Variants in SEPTIN7 observed in about 807,000 individuals in gnomAD.
The protein encoded by SEPTIN7 is septin-7.
In SEPTIN7, 10 loss-of-function variants were observed where a neutral mutation model predicts 63.3. The observed-to-expected ratio is 0.16, with a 90% confidence interval of 0.10 to 0.27. The LOEUF is 0.27. Among genes scored for constraint, SEPTIN7 ranks in the 10% least tolerant of loss-of-function variants. The pLI, the probability that SEPTIN7 is intolerant of heterozygous loss-of-function variation, is 1.00. For synonymous variants in SEPTIN7, 131 were observed against 165.3 expected, an observed-to-expected ratio of 0.79 and a Z score of 1.59; for missense variants, 310 against 521.0, an observed-to-expected ratio of 0.59 and a Z score of 3.94.
intron 1 of SEPTIN7, among the ~76,000 whole-genome samples, chr7:35,820,870 T>G (rs1789370051): frequency 6.6e-6 from 1 of 152,184 alleles, no homozygotes; most frequent in Non-Finnish European, 1.5e-5. Context: ...GGGTTTATTG[T>G]TGTTGCTTTT....
chr7:35,881,533 A>G (rs1786879828), intron 7 of SEPTIN7, among the ~76,000 whole-genome samples: 1 of 150,872 alleles, frequency 6.6e-6, no homozygotes, highest in Admixed American at 6.6e-5. Flanking sequence ...ACGTACCCTA[A>G]TTGTAAAAGA....
chr7:35,809,759 G>C (rs910820410), intron 1 of SEPTIN7, among the ~76,000 whole-genome samples: 1 of 152,192 alleles, frequency 6.6e-6, no homozygotes, highest in Admixed American at 6.5e-5. Flanking sequence ...GCTGTGCTGA[G>C]AATTTAAAAA....
chr7:35,853,486 T>TC (rs1174991269), intron 3 of SEPTIN7, among the ~76,000 whole-genome samples: 1 of 152,166 alleles, frequency 6.6e-6, no homozygotes, highest in Non-Finnish European at 1.5e-5. Flanking sequence ...TTTCGCCTGC[T>TC]CAGAGTCTGG....
Position 35,898,326 on chromosome 7 carries a change from G to C in SEPTIN7, c.1077G>C (p.Gln359His). ...KMKKMEMEMEQVFEMKVKEKV... is the reference protein window; with the variant it reads ...KMKKMEMEMEHVFEMKVKEKV... ...AGAAGATGGAGATGGAGATGGAGCA[G>C]GTGTTTGAGATGAAGGTCAAAGAAA... is the stretch of plus-strand genomic sequence containing the variant. The change falls in exon 12 of 14, where the codon CAG (glutamine) becomes CAC (histidine). Residue 359 changes from glutamine (Q) to histidine (H), a missense_variant. Physicochemically the swap from Gln to His is conservative, Grantham distance 24. Transcript: ENST00000350320. The C allele has an allele frequency of 6.5e-7, 1 of 1,550,236 alleles. No individual in the cohort carries two copies. Among genetic ancestry groups the C allele is most frequent in the East Asian group, 2.4e-5 (1 of 40,878 alleles).
chr7:35,897,399 T>TG (rs1788017853), intron 11 of SEPTIN7, among the ~76,000 whole-genome samples: 1 of 152,192 alleles, frequency 6.6e-6, no homozygotes, highest in Non-Finnish European at 1.5e-5. Flanking sequence ...TGTGTAAGTA[T>TG]ATTAGCCTTA....
downstream of SEPTIN7, among the ~76,000 whole-genome samples, chr7:35,908,665 A>G (rs1291980827): frequency 1.3e-5 from 2 of 152,298 alleles, no homozygotes; most frequent in African/African-American, 4.8e-5. Context: ...GTCAGACACT[A>G]CCAACAAACT....
intron 3 of SEPTIN7, among the ~76,000 whole-genome samples, chr7:35,851,549 A>G (rs1301264795): frequency 1.3e-5 from 2 of 152,146 alleles, no homozygotes; most frequent in East Asian, 3.8e-4. Context: ...GCCAGTATAT[A>G]TATTATTCTG....
intron 6 of SEPTIN7, among the ~76,000 whole-genome samples, chr7:35,878,765 G>C (rs1429867568): frequency 6.6e-6 from 1 of 152,146 alleles, no homozygotes; most frequent in African/African-American, 2.4e-5. Context: ...CACTGAGATA[G>C]GAAGCGTAGA....
At chr7:35,837,377 A>G (rs920295777) in intron 3 of SEPTIN7, among the ~76,000 whole-genome samples, 1 of 152,190 alleles carries the variant, frequency 6.6e-6, no homozygotes, top group African/African-American at 2.4e-5. Context: ...GTAGACTTTA[A>G]TGGCCTGTAT....
chr7:35,879,427 T>G (rs1308684250), intron 6 of SEPTIN7, among the ~76,000 whole-genome samples: 1 of 151,746 alleles, frequency 6.6e-6, no homozygotes, highest in Non-Finnish European at 1.5e-5. Flanking sequence ...TGCAGTGAGC[T>G]GAGATTACAC....
chr7:35,912,319 A>G, the SEPTIN7 span, among the ~76,000 whole-genome samples: 4 of 152,256 alleles, frequency 2.6e-5, no homozygotes, highest in Non-Finnish European at 5.9e-5. Flanking sequence ...CACAAACAAT[A>G]GCATGAGCGA....
downstream of SEPTIN7, among the ~76,000 whole-genome samples, chr7:35,909,218 A>G (rs541414243): frequency 2.0e-5 from 3 of 152,372 alleles, no homozygotes; most frequent in South Asian, 6.2e-4. Flanking sequence ...GTTGTATTCA[A>G]TATTTTGGGA....
intron 1 of SEPTIN7, among the ~76,000 whole-genome samples, chr7:35,810,842 C>T (rs1788658255): frequency 6.6e-6 from 1 of 151,510 alleles, no homozygotes; most frequent in Non-Finnish European, 1.5e-5. Flanking sequence ...CAGAGGCTCA[C>T]TGCAACCTCC....
At chr7:35,915,053 A>G in the SEPTIN7 span, among the ~76,000 whole-genome samples, 90 of 151,830 alleles carry the variant, frequency 5.9e-4, 3 homozygotes, top group Non-Finnish European at 8.8e-5. Flanking sequence ...GTATATATGT[A>G]TATATACACA....
intron 4 of SEPTIN7, among the ~76,000 whole-genome samples, chr7:35,866,913 T>A (rs1785840366): frequency 6.6e-6 from 1 of 152,174 alleles, no homozygotes; most frequent in Non-Finnish European, 1.5e-5. Flanking sequence ...TGAGTCCCTT[T>A]CTTCATGGTT....
In SEPTIN7 at chr7:35,873,507, A is replaced by G. The variant is rs184157764; in HGVS notation, c.378-134A>G. The G allele has an allele frequency of 4.5e-5, 34 of 750,338 alleles. No individual in the cohort carries two copies. In the African/African-American group the frequency reaches 4.8e-4, roughly 11 times the overall value. The allele number at this position is 750,338 out of a possible 1,614,324, so 46.5% of individuals were successfully genotyped here. Reference sequence around the variant, plus strand: ...CAACATAATTTATATTTTTGAATATATAGAATAACTTGACATATCTTCTAC... The same window carrying G: ...CAACATAATTTATATTTTTGAATATGTAGAATAACTTGACATATCTTCTAC... On this transcript the variant is annotated intron_variant, in intron 5 of 13. Transcript: ENST00000350320.
chr7:35,852,067 C>T (rs560155206), intron 3 of SEPTIN7, among the ~76,000 whole-genome samples: 18 of 152,252 alleles, frequency 1.2e-4, no homozygotes, highest in African/African-American at 4.3e-4. Context: ...AGGGTCCTTT[C>T]TTTTTCTGTG....
At chr7:35,871,173 T>C (rs1387575865) in intron 4 of SEPTIN7, among the ~76,000 whole-genome samples, 1 of 152,218 alleles carries the variant, frequency 6.6e-6, no homozygotes, top group Non-Finnish European at 1.5e-5. Flanking sequence ...ATAGTTTATA[T>C]CAGGATCAAA....
intron 11 of SEPTIN7, among the ~76,000 whole-genome samples, chr7:35,895,899 C>T (rs1395029152): frequency 6.6e-5 from 10 of 152,200 alleles, no homozygotes; most frequent in South Asian, 4.1e-4. Flanking sequence ...CAACCTCTGC[C>T]TCCTGGGTTC....
Sources: gnomAD v4.1 joint callset for allele counts (sites outside exome capture counted in the v4.1 genomes callset) on GRCh38, gnomAD v4.1.1 for gene constraint, MANE v1.5 for transcripts, NCBI Gene and HGNC (gene_info 2026-07-23, HGNC 2026-07-21) for gene names.